Variants in HCFC2 observed in about 807,000 individuals in gnomAD.
HCFC2 encodes host cell factor C2.
In HCFC2, 18 loss-of-function variants were observed where a neutral mutation model predicts 89.2. The observed-to-expected ratio is 0.20, with a 90% CI of 0.14 to 0.30. HCFC2 has a LOEUF of 0.30. Ranked by LOEUF, HCFC2 falls within the 10% of genes least tolerant of loss-of-function variation. The pLI is 1.00. For missense variants in HCFC2, 578 were observed against 956.1 expected (o/e 0.60, Z 5.21); for synonymous variants, 308 against 335.7 (o/e 0.92, Z 0.90).
intron 3 of HCFC2, among the ~76,000 whole-genome samples, chr12:104,075,100 G>C (rs1179164080): frequency 6.6e-6 from 1 of 151,526 alleles, no homozygotes; most frequent in Admixed American, 6.6e-5. Context: ...CGCACCTATA[G>C]TCCCAGCTGC....
chr12:104,082,164 G>T (rs568195750), intron 5 of HCFC2, among the ~76,000 whole-genome samples: 6 of 152,318 alleles, frequency 3.9e-5, no homozygotes, highest in African/African-American at 1.2e-4. Flanking sequence ...GACTTTGGAT[G>T]TCATAGATCA....
At chr12:104,074,963 A>G (rs1271622269) in intron 3 of HCFC2, among the ~76,000 whole-genome samples, 3 of 152,140 alleles carry the variant, frequency 2.0e-5, no homozygotes, top group Non-Finnish European at 2.9e-5. Context: ...AATTTCTTCT[A>G]TAAGTATTGA....
Position 104,100,154 on chromosome 12 carries a change from A to C in HCFC2, c.1878+1674A>C, listed in dbSNP as rs369569739. 1.1e-4 allele frequency among the ~76,000 whole-genome samples: 17 copies of C among 152,272 alleles called. 1 individual carries two copies. Among genetic ancestry groups the C allele is most frequent in the African/African-American group, 4.1e-4 (17 of 41,570 alleles). Reference sequence around the variant, plus strand: ...CTGATATGCTATTAAATACAATCTAATGTTCCCTTGATTCTGAAACCCCTT... The same window carrying C: ...CTGATATGCTATTAAATACAATCTACTGTTCCCTTGATTCTGAAACCCCTT... On this transcript the variant is annotated intron_variant, in intron 13 of 14. Coordinates refer to ENST00000229330, the MANE Select transcript of HCFC2 (RefSeq NM_013320.3).
intron 9 of HCFC2, among the ~76,000 whole-genome samples, chr12:104,090,131 G>A (rs1277590747): frequency 6.6e-6 from 1 of 152,080 alleles, no homozygotes. Flanking sequence ...CCCCTGAGAA[G>A]TGGGCTTTTG....
At chr12:104,075,178 G>T (rs1883454861) in intron 3 of HCFC2, among the ~76,000 whole-genome samples, 1 of 144,426 alleles carries the variant, frequency 6.9e-6, no homozygotes. Flanking sequence ...AATATAATGA[G>T]CCCCTGTCTG....
At chr12:104,091,000 C>T (rs1884008269) in intron 9 of HCFC2, 1 of 152,136 alleles carries the variant, frequency 6.6e-6, no homozygotes, top group Non-Finnish European at 1.5e-5. Context: ...AATTCTCCAA[C>T]CTCTTGCTTA....
At chr12:104,099,883 C>T (rs768998131) in intron 13 of HCFC2, among the ~76,000 whole-genome samples, 1 of 152,112 alleles carries the variant, frequency 6.6e-6, no homozygotes, top group Non-Finnish European at 1.5e-5. Flanking sequence ...TCTCAAACTC[C>T]TGGGCTCAAG....
At position 104,093,386 on chromosome 12, in the gene HCFC2, A is replaced by G. The variant is rs375736197; in HGVS notation, c.1285A>G (p.Ile429Val). 26 of 1,605,534 alleles carry G rather than the reference A, an allele frequency of 1.6e-5. No individual in the cohort carries two copies. The highest frequency in any genetic ancestry group is 2.0e-5 in the Non-Finnish European group (24 of 1,175,652). ...QGSNNIVPNS[I>V]NDTINSTKTE... The stretch of plus-strand genomic sequence containing the variant: ...CAGTAATCTGTTATATTTCTTGTAG[A>G]TCAATGATACAATAAACAGCACAAA... The change falls in exon 10 of 15, where the codon ATC becomes GTC. Residue 429 changes from isoleucine (I) to valine (V), a missense_variant and splice_region_variant. Physicochemically the swap from Ile to Val is conservative, Grantham distance 29. Transcript: ENST00000229330.
intron 12 of HCFC2, among the ~76,000 whole-genome samples, chr12:104,097,904 A>C (rs1884223046): frequency 6.6e-6 from 1 of 152,200 alleles, no homozygotes. Context: ...TGCAAAGATC[A>C]CTGAATTTTT....
intron 13 of HCFC2, among the ~76,000 whole-genome samples, chr12:104,101,253 G>A (rs2029926854): frequency 6.6e-6 from 1 of 152,316 alleles, no homozygotes; most frequent in East Asian, 1.9e-4. Context: ...GGAGGCCGAC[G>A]CAGGTGGATC....
chr12:104,082,792 C>T lies in HCFC2; in HGVS notation c.954C>T (p.His318=), dbSNP rs1883722749. 6.2e-7 allele frequency: 1 copy of T among 1,614,062 alleles called. No individual in the cohort carries two copies. The highest frequency in any genetic ancestry group is 8.5e-7 in the Non-Finnish European group (1 of 1,179,942). The part of the protein sequence containing the change: ...KNSRPRPRAG[H]CAVAIGTRLY... ...CAAGACCAAGACCAAGAGCTGGCCACTGTGCTGTTGCAATCGGCACTCGAT... is the reference window on the plus strand; with the variant it reads ...CAAGACCAAGACCAAGAGCTGGCCATTGTGCTGTTGCAATCGGCACTCGAT... Residue 318 remains histidine, a synonymous_variant, in exon 7 of 15, where the codon CAC becomes CAT. Coordinates refer to ENST00000229330, the MANE Select transcript of HCFC2 (RefSeq NM_013320.3).
Position 104,095,100 on chromosome 12 carries a change from AT to A in HCFC2, c.1463-257del, listed in dbSNP as rs34263322. On this transcript the variant is annotated intron_variant, in intron 10 of 14. Transcript: ENST00000229330. This position sits in a 1 kb window ranked among gnomAD's most constrained non-coding sequence, Gnocchi z 4.2. The stretch of plus-strand genomic sequence containing the variant: ...GAAGGGCAGAGCCATTTGATCTATG[AT>A]TTAGTGGAAAGTCAAGAACAATGGT... 0.1 allele frequency among the ~76,000 whole-genome samples: 15,909 copies of A among 152,156 alleles called. 1,072 individuals carry two copies. Among genetic ancestry groups the A allele is most frequent in the African/African-American group, 0.18 (7,328 of 41,494 alleles).
Position 104,064,770 on chromosome 12 carries a change from G to GGGGGA in HCFC2, c.163+55_163+59dup, listed in dbSNP as rs1883006372. 2.0e-6 allele frequency: 3 copies of GGGGGA among 1,514,204 alleles called. No homozygotes were observed. The highest frequency in any genetic ancestry group is 2.7e-5 in the East Asian group (1 of 36,784). 93.8% of individuals were successfully genotyped at this position (1,514,204 alleles called of 1,614,324 possible). ...CGGCCCCGCCTGCTGGAGCTGCGGA[G>GGGGGA]GGGGAGGGGAGGCGAGGCGGCGGCC... On this transcript the variant is annotated intron_variant, in intron 1 of 14. Coordinates refer to ENST00000229330, the MANE Select transcript of HCFC2 (RefSeq NM_013320.3). The surrounding 1 kb of genome is among the most constrained non-coding windows in gnomAD (Gnocchi z 7.3).
chr12:104,102,241 T>C, intron 14 of HCFC2, 88 bp downstream of exon 14: 1 of 1,134,816 alleles, frequency 8.8e-7, no homozygotes, highest in Non-Finnish European at 1.3e-6. Context: ...AAATTCTTGT[T>C]ACCATCTAAT....
In HCFC2 at chr12:104,082,834, A is replaced by T. The variant is rs1264689690; in HGVS notation, c.996A>T (p.Gly332=). The change falls in exon 7 of 15, where the codon GGA becomes GGT. Residue 332 remains glycine, a synonymous_variant. Coordinates refer to ENST00000229330, the MANE Select transcript of HCFC2 (RefSeq NM_013320.3). ...AIGTRLYFWS[G]RDGYKKALNS... is the part of the protein sequence containing the mutation. ...GCACTCGATTGTATTTTTGGAGTGG[A>T]AGAGATGGCTACAAAAAAGCACTGA... is the stretch of plus-strand genomic sequence containing the variant. 4 of 1,613,810 alleles carry T rather than the reference A, an allele frequency of 2.5e-6. No homozygotes were observed. Among genetic ancestry groups the T allele is most frequent in the Non-Finnish European group, 3.4e-6 (4 of 1,179,932 alleles).
intron 3 of HCFC2, 121 bp from the exon 4 acceptor site, chr12:104,079,324 T>A: frequency 1.3e-6 from 1 of 746,744 alleles, no homozygotes; most frequent in South Asian, 1.9e-5. Flanking sequence ...GCTCTCCTAA[T>A]GCCTTTCTGT....
At chr12:104,086,026 C>T (rs1456789870) in intron 7 of HCFC2, among the ~76,000 whole-genome samples, 3 of 130,626 alleles carry the variant, frequency 2.3e-5, no homozygotes, top group Non-Finnish European at 4.6e-5. Flanking sequence ...GAGGCGGAGT[C>T]TCACTCTGCC....
rs1209549821 is a variant in HCFC2, at chr12:104,068,133, G to A, written c.473+26G>A. ...GTATGCTGACTCTTTCAGACCAAAT[G>A]CTTATTTTATGATTTAGAGTAGGAA... On this transcript the variant is annotated intron_variant, in intron 3 of 14. Coordinates refer to ENST00000229330, the MANE Select transcript of HCFC2 (RefSeq NM_013320.3). The surrounding 1 kb of genome is among the most constrained non-coding windows in gnomAD (Gnocchi z 4.1). 6.6e-6 allele frequency: 10 copies of A among 1,523,304 alleles called. No individual in the cohort carries two copies. The highest frequency in any genetic ancestry group is 1.4e-5 in the African/African-American group (1 of 69,780). The allele number at this position is 1,523,304 out of a possible 1,614,324, so 94.4% of individuals were successfully genotyped here.
At chr12:104,092,844 G>A (rs1884060945) in intron 9 of HCFC2, among the ~76,000 whole-genome samples, 1 of 152,066 alleles carries the variant, frequency 6.6e-6, no homozygotes, top group African/African-American at 2.4e-5. Context: ...TGTTTAAGAA[G>A]GTTAAGAAAA....
Sources: allele counts gnomAD v4.1 joint callset (sites outside exome capture counted in the v4.1 genomes callset), GRCh38; gene constraint gnomAD v4.1.1; non-coding constraint Gnocchi (gnomAD v3.1); transcripts MANE v1.5; gene names NCBI Gene and HGNC (gene_info 2026-07-23, HGNC 2026-07-21).